Variants in ANK1 observed in about 807,000 individuals in gnomAD.
The protein encoded by ANK1 is ankyrin 1.
ANK1 carries 51 observed loss-of-function variants against 210.4 expected under a neutral mutation model. The observed-to-expected ratio is 0.24, with a 90% CI of 0.19 to 0.31. The LOEUF is 0.31. Ranked by LOEUF, ANK1 falls within the 10% of genes least tolerant of loss-of-function variation. The pLI is 1.00. For synonymous variants in ANK1, 967 were observed against 1,025.9 expected, an observed-to-expected ratio of 0.94 and a Z score of 1.10; for missense variants, 2,051 against 2,504.4, an observed-to-expected ratio of 0.82 and a Z score of 3.86.
chr8:41,754,450 C>T (rs1488620105), intron 2 of ANK1, among the ~76,000 whole-genome samples: 4 of 152,168 alleles, frequency 2.6e-5, no homozygotes, highest in Non-Finnish European at 4.4e-5. Context: ...CCTCTTTCCA[C>T]GCTACTTAGA....
intron 39 of ANK1, among the ~76,000 whole-genome samples, chr8:41,667,079 G>A (rs985460820): frequency 1.3e-5 from 2 of 152,236 alleles, no homozygotes; most frequent in Non-Finnish European, 2.9e-5. Flanking sequence ...GTGTGCTCTG[G>A]GAGCAGGAGA....
At chr8:41,702,903 T>C (rs1021491367) in intron 20 of ANK1, among the ~76,000 whole-genome samples, 1 of 152,166 alleles carries the variant, frequency 6.6e-6, no homozygotes, top group African/African-American at 2.4e-5. Context: ...CACTGTAACC[T>C]CTGCCTCCTG....
At chr8:41,803,761 A>T (rs558944702) in intron 1 of ANK1, among the ~76,000 whole-genome samples, 1 of 152,244 alleles carries the variant, frequency 6.6e-6, no homozygotes, top group South Asian at 2.1e-4. Flanking sequence ...AATTTTAATC[A>T]TGAATGAATG....
At chr8:41,754,166 A>G (rs1838494215) in intron 2 of ANK1, among the ~76,000 whole-genome samples, 1 of 152,242 alleles carries the variant, frequency 6.6e-6, no homozygotes, top group Non-Finnish European at 1.5e-5. Flanking sequence ...TTAAAATGAA[A>G]TTATTCTATC....
chr8:41,840,083 C>A (rs903780547), intron 1 of ANK1: 3 of 151,906 alleles, frequency 2.0e-5, no homozygotes, highest in Admixed American at 2.0e-4. Flanking sequence ...CACTACATTG[C>A]CCAGGCTGGA....
At chr8:41,670,406 C>T (rs1400028708) in intron 38 of ANK1, among the ~76,000 whole-genome samples, 1 of 152,034 alleles carries the variant, frequency 6.6e-6, no homozygotes, top group Non-Finnish European at 1.5e-5. Context: ...ACCCAGTTAG[C>T]AACACTGCTG....
At chr8:41,827,831 TCA>T (rs1221799834) in intron 1 of ANK1, among the ~76,000 whole-genome samples, 12 of 116,546 alleles carry the variant, frequency 1.0e-4, no homozygotes, top group African/African-American at 3.6e-4. Context: ...ACACACGCAC[TCA>T]CACATGCACA....
In ANK1 at chr8:41,734,026, A is replaced by G; in HGVS notation, c.173T>C (p.Val58Ala). The change falls in exon 3 of 43, where the codon GTG (valine) becomes GCG (alanine). Residue 58 changes from valine (V) to alanine (A), a missense_variant. Around this residue, in one of 6 missense-constraint regions of ANK1, gnomAD observed 72 missense variants for 133.5 expected, o/e 0.54. Transcript: ENST00000289734. ...GLHLASKEGH[V>A]KMVVELLHKE... Reference sequence around the variant, plus strand: ...GTGCAGAAGTTCAACCACCATTTTCACATGGCCTTCCTTAGAAGCCAGATG... The same window carrying G: ...GTGCAGAAGTTCAACCACCATTTTCGCATGGCCTTCCTTAGAAGCCAGATG... 6.2e-7 allele frequency: 1 copy of G among 1,614,236 alleles called. No homozygotes were observed. The highest frequency in any genetic ancestry group is 8.5e-7 in the Non-Finnish European group (1 of 1,180,034).
chr8:41,731,857 G>A (rs941548389), intron 3 of ANK1, among the ~76,000 whole-genome samples: 1 of 152,256 alleles, frequency 6.6e-6, no homozygotes, highest in Non-Finnish European at 1.5e-5. Flanking sequence ...GGCAGGCGCC[G>A]CTCCGGCACA....
chr8:41,795,031 AC>A (rs1368016627), intron 1 of ANK1, among the ~76,000 whole-genome samples: 1 of 152,168 alleles, frequency 6.6e-6, no homozygotes, highest in Non-Finnish European at 1.5e-5. Flanking sequence ...GACCTGGAGG[AC>A]AAAGGTTTTT....
chr8:41,802,988 A>G, intron 1 of ANK1, among the ~76,000 whole-genome samples: 2 of 69,216 alleles, frequency 2.9e-5, no homozygotes, highest in African/African-American at 9.3e-5. Context: ...AAAGAAAGAG[A>G]GAAAGAGAGA....
chr8:41,746,720 T>C (rs916662788), intron 2 of ANK1, among the ~76,000 whole-genome samples: 1 of 152,128 alleles, frequency 6.6e-6, no homozygotes, highest in African/African-American at 2.4e-5. Context: ...GCAAATCAAC[T>C]GCAGAGGCTG....
At chr8:41,705,364 C>T (rs903502383) in intron 18 of ANK1, among the ~76,000 whole-genome samples, 1 of 152,192 alleles carries the variant, frequency 6.6e-6, no homozygotes, top group Non-Finnish European at 1.5e-5. Context: ...AGTGAAGCCT[C>T]AAAGATCCAG....
intron 24 of ANK1, among the ~76,000 whole-genome samples, 164 bp from the exon 25 acceptor site, chr8:41,696,937 A>G (rs1821202064): frequency 6.6e-6 from 1 of 152,086 alleles, no homozygotes; most frequent in South Asian, 2.1e-4. Context: ...GGCCGTCCTG[A>G]GGTCTAAAAG....
In ANK1 at chr8:41,704,883, A is replaced by G. The variant is rs979357791; in HGVS notation, c.2098-411T>C. Reference sequence around the variant, plus strand: ...GAATCCCAGGGGAGCTATTTCAAGAAGGAAGAAACAGCCTTCAGGCCTGGG... The same window carrying G: ...GAATCCCAGGGGAGCTATTTCAAGAGGGAAGAAACAGCCTTCAGGCCTGGG... On this transcript the variant is annotated intron_variant, in intron 18 of 42. Transcript: ENST00000289734. This position sits in a 1 kb window ranked among gnomAD's most constrained non-coding sequence, Gnocchi z 4.1. 1.3e-5 allele frequency among the ~76,000 whole-genome samples: 2 copies of G among 152,150 alleles called. No homozygotes were observed. The highest frequency in any genetic ancestry group is 2.9e-5 in the Non-Finnish European group (2 of 68,026).
intron 42 of ANK1, chr8:41,661,098 A>G (rs1807948834): frequency 5.5e-6 from 2 of 366,370 alleles, no homozygotes; most frequent in Non-Finnish European, 1.0e-5. Flanking sequence ...CTGGTCTTGA[A>G]CTCCTGGCCT....
intron 1 of ANK1, among the ~76,000 whole-genome samples, chr8:41,865,583 G>A (rs192497438): frequency 7.2e-5 from 11 of 152,182 alleles, no homozygotes; most frequent in Admixed American, 3.9e-4. Context: ...AGCTGCACAC[G>A]TGTGAATTGG....
intron 1 of ANK1, among the ~76,000 whole-genome samples, chr8:41,775,685 G>A (rs915289476): frequency 1.8e-4 from 28 of 152,168 alleles, no homozygotes; most frequent in African/African-American, 6.8e-4. Context: ...TTTGAGACCA[G>A]CCTGGGCAAC....
At chr8:41,797,722 G>C, upstream of ANK1, 2 of 847,926 alleles carry the variant, frequency 2.4e-6, no homozygotes, top group Non-Finnish European at 3.4e-6. This position sits in a 1 kb window ranked among gnomAD's most constrained non-coding sequence, Gnocchi z 4.0. Flanking sequence ...GGGCGGAGGG[G>C]TGGCGCCCGC....
Sources: allele counts gnomAD v4.1 joint callset (sites outside exome capture counted in the v4.1 genomes callset), GRCh38; gene constraint gnomAD v4.1.1; regional missense constraint gnomAD v4.1.1; non-coding constraint Gnocchi (gnomAD v3.1); transcripts MANE v1.5; gene names NCBI Gene and HGNC (gene_info 2026-07-23, HGNC 2026-07-21).